SHROOM4: variants seen among roughly 807,000 people sequenced by gnomAD.
The protein encoded by SHROOM4 is protein Shroom4.
In SHROOM4, 17 loss-of-function variants were observed where a neutral mutation model predicts 80.3. That is an observed-to-expected ratio of 0.21 (90% CI 0.14 to 0.32). The LOEUF (loss-of-function observed/expected upper bound fraction) is 0.32, where lower values mean the gene tolerates loss of function less well. Ranked by LOEUF, SHROOM4 falls within the 10% of genes least tolerant of loss-of-function variation. The pLI is 1.00. For missense variants in SHROOM4, 993 were observed against 1,140.3 expected (o/e 0.87, Z 1.86); for synonymous variants, 400 against 437.5 (o/e 0.91, Z 1.07).
intron 1 of SHROOM4, among the ~76,000 whole-genome samples, chrX:50,758,549 T>C (rs1935085001): frequency 8.9e-6 from 1 of 112,518 alleles, no homozygotes; most frequent in Non-Finnish European, 1.9e-5. Flanking sequence ...AGCCTTGCAT[T>C]CCTAAGGTAA....
intron 1 of SHROOM4, among the ~76,000 whole-genome samples, chrX:50,760,567 G>A (rs782168457): frequency 4.5e-5 from 5 of 110,337 alleles, no homozygotes; most frequent in Admixed American, 9.7e-5. Context: ...TGAACTCCTG[G>A]CCTCAAGCAA....
intron 1 of SHROOM4, among the ~76,000 whole-genome samples, chrX:50,731,478 G>A (rs144684227): frequency 2.7e-3 from 303 of 111,979 alleles, no homozygotes; most frequent in African/African-American, 9.2e-3. Flanking sequence ...AGGTGACTGA[G>A]GTCAAGAGAT....
chrX:50,622,430 G>A (rs1019955063), intron 5 of SHROOM4, among the ~76,000 whole-genome samples: 13 of 112,151 alleles, frequency 1.2e-4, no homozygotes, highest in Admixed American at 1.9e-4. Flanking sequence ...ATATATCACA[G>A]TAATGTAGCT....
chrX:50,765,977 C>T (rs1300837414), intron 1 of SHROOM4, among the ~76,000 whole-genome samples: 9 of 111,933 alleles, frequency 8.0e-5, no homozygotes, highest in African/African-American at 2.9e-4. Context: ...TGGTATGTTT[C>T]CTTCACCGTC....
Position 50,635,162 on chromosome X carries a change from G to A in SHROOM4, c.911C>T (p.Pro304Leu). 1 of 1,208,125 alleles carries A rather than the reference G, an allele frequency of 8.3e-7. No homozygotes were observed. Among genetic ancestry groups the A allele is most frequent in the Non-Finnish European group, 1.1e-6 (1 of 893,555 alleles). Residue 304 changes from proline to leucine, a missense_variant, in exon 4 of 9, where the codon CCC (proline) becomes CTC (leucine). Transcript: ENST00000376020. ...GCTCAGTTTCTCCTTCTGTGGCAAG[G>A]GGACCACAGGCTCAGATGCCCTGCG... Reference protein sequence around the residue: ...EQRRASEPVVPLPQKEKLSLE... With the variant: ...EQRRASEPVVLLPQKEKLSLE...
chrX:50,747,658 T>C (rs1170672803), intron 1 of SHROOM4, among the ~76,000 whole-genome samples: 1 of 112,399 alleles, frequency 8.9e-6, no homozygotes, highest in African/African-American at 3.2e-5. Flanking sequence ...TTCCAGTTTG[T>C]GCTGCATCTC....
chrX:50,652,600 C>T (rs1195288111), intron 2 of SHROOM4, among the ~76,000 whole-genome samples: 2 of 111,852 alleles, frequency 1.8e-5, no homozygotes, highest in African/African-American at 6.5e-5. Context: ...TCAATTTTGG[C>T]TTCTGTTGCC....
chrX:50,778,751 A>C (rs782722754), intron 1 of SHROOM4, among the ~76,000 whole-genome samples: 2 of 112,522 alleles, frequency 1.8e-5, no homozygotes, highest in South Asian at 7.4e-4. Flanking sequence ...AATAGTTTTA[A>C]AGACCATATT....
chrX:50,801,415 G>T (rs1483708632), intron 1 of SHROOM4, among the ~76,000 whole-genome samples: 1 of 111,098 alleles, frequency 9.0e-6, no homozygotes, highest in East Asian at 2.8e-4. Context: ...CAAGCTAGGG[G>T]ATGGGAGATG....
chrX:50,740,205 A>G (rs1934619086), intron 1 of SHROOM4, among the ~76,000 whole-genome samples: 1 of 95,573 alleles, frequency 1.0e-5, no homozygotes, highest in African/African-American at 3.9e-5. Flanking sequence ...GAGGGGAGGG[A>G]TAGCATTAGG....
the SHROOM4 span, among the ~76,000 whole-genome samples, chrX:50,578,116 TTAAACA>T: frequency 9.0e-6 from 1 of 111,422 alleles, no homozygotes; most frequent in African/African-American, 3.3e-5. Context: ...ATCACAGAAC[TTAAACA>T]TAAACTTCTC....
At chrX:50,743,632 AT>A (rs1410255380) in intron 1 of SHROOM4, among the ~76,000 whole-genome samples, 2 of 109,290 alleles carry the variant, frequency 1.8e-5, no homozygotes, top group African/African-American at 6.7e-5. Flanking sequence ...TAATTTTAAA[AT>A]TTTTTGTAGA....
At chrX:50,813,135 C>CTGGCGGCGGCGGCGGCGGCGGCAG (rs1268525765) in intron 1 of SHROOM4, among the ~76,000 whole-genome samples, 5 of 98,414 alleles carry the variant, frequency 5.1e-5, no homozygotes, top group Admixed American at 3.4e-4. Context: ...CAAACAAACC[C>CTGGCGGCGGCGGCGGCGGCGGCAG]TGGCGGCGGC....
intron 4 of SHROOM4, among the ~76,000 whole-genome samples, chrX:50,631,736 T>G (rs1349529139): frequency 2.7e-5 from 3 of 112,059 alleles, no homozygotes; most frequent in Non-Finnish European, 5.6e-5. Flanking sequence ...GAATTTCAAC[T>G]TGACATTAAG....
chrX:50,728,477 A>C (rs1934291169), intron 1 of SHROOM4, among the ~76,000 whole-genome samples: 1 of 112,728 alleles, frequency 8.9e-6, no homozygotes. Flanking sequence ...AGAAGCAATC[A>C]GAGTTAGAAG....
chrX:50,762,740 T>C (rs1479999221), intron 1 of SHROOM4, among the ~76,000 whole-genome samples: 2 of 112,259 alleles, frequency 1.8e-5, no homozygotes, highest in African/African-American at 3.2e-5. Context: ...CTCCATTTTC[T>C]TTCTGATGAG....
intron 5 of SHROOM4, among the ~76,000 whole-genome samples, chrX:50,610,865 T>C (rs782693249): frequency 1.1e-3 from 119 of 112,016 alleles, no homozygotes; most frequent in Non-Finnish European, 1.9e-3. Context: ...ATAAAAATTC[T>C]TAAAGCAAAA....
At chrX:50,640,047 C>T (rs1931528304) in intron 2 of SHROOM4, among the ~76,000 whole-genome samples, 1 of 111,394 alleles carries the variant, frequency 9.0e-6, no homozygotes, top group South Asian at 3.8e-4. Context: ...GGGGGCTATG[C>T]TTGCTCTGGA....
chrX:50,635,706 CATGGCCAGCCCTACT>C (rs1931325253), intron 3 of SHROOM4, 38 bp from the exon 4 acceptor site: 5 of 1,165,694 alleles, frequency 4.3e-6, no homozygotes, highest in Non-Finnish European at 5.8e-6. Flanking sequence ...TTAGCGAAGT[CATGGCCAGCCCTACT>C]ATAGGAGAGG....
Sources: allele counts gnomAD v4.1 joint callset (sites outside exome capture counted in the v4.1 genomes callset), GRCh38; gene constraint gnomAD v4.1.1; transcripts MANE v1.5; gene names NCBI Gene and HGNC (gene_info 2026-07-23, HGNC 2026-07-21).